The following SLCO3A1 variants were observed in gnomAD, a reference collection of about 807,000 sequenced individuals.
SLCO3A1 encodes the protein PGE1 transporter.
A neutral mutation model predicts 63.1 loss-of-function variants in SLCO3A1; 27 were observed. That is an observed-to-expected ratio of 0.43 (90% CI 0.32 to 0.59). The LOEUF is 0.59. Among genes scored for constraint, SLCO3A1 ranks in the 20% least tolerant of loss-of-function variants. SLCO3A1 has a pLI of 0.09. For missense variants in SLCO3A1, 773 were observed against 945.8 expected, an observed-to-expected ratio of 0.82 and a Z score of 2.40; for synonymous variants, 473 against 409.9, an observed-to-expected ratio of 1.15 and a Z score of -1.86.
At position 92,165,547 on chromosome 15, in the gene SLCO3A1, T is replaced by A; in HGVS notation, c.*2412T>A. 1.0e-6 allele frequency: 1 copy of A among 984,824 alleles called. No homozygotes were observed. The highest frequency in any genetic ancestry group is 1.2e-6 in the Non-Finnish European group (1 of 829,408). 61.0% of individuals were successfully genotyped at this position (984,824 alleles called of 1,614,324 possible). A position where few individuals can be genotyped will look rare whatever the true frequency, so the allele number is the denominator to read the frequency against. ...TTTTAAACTCTTTGCATTTTGGATT[T>A]TTTTTCCTAAGATTTTAGGATGAAT... On this transcript the variant is annotated 3_prime_UTR_variant, in exon 10 of 10. Transcript: ENST00000318445.
intron 3 of SLCO3A1, among the ~76,000 whole-genome samples, 186 bp from the exon 4 acceptor site, chr15:92,104,093 C>T (rs1162958837): frequency 2.0e-5 from 3 of 152,194 alleles, no homozygotes; most frequent in Non-Finnish European, 2.9e-5. Context: ...GATCAGCCTC[C>T]GGCTTTGAGA....
At chr15:91,999,879 G>A (rs1461646179) in intron 2 of SLCO3A1, among the ~76,000 whole-genome samples, 4 of 152,272 alleles carry the variant, frequency 2.6e-5, no homozygotes, top group Admixed American at 6.5e-5. Context: ...ATATACTCTC[G>A]AAAACCATAG....
intron 4 of SLCO3A1, among the ~76,000 whole-genome samples, chr15:92,105,253 G>A (rs1219266634): frequency 6.6e-6 from 1 of 152,006 alleles, no homozygotes; most frequent in Non-Finnish European, 1.5e-5. Flanking sequence ...CAGCCTGGGT[G>A]ACACAGCAAG....
At chr15:92,073,645 T>A (rs1370463360) in intron 2 of SLCO3A1, among the ~76,000 whole-genome samples, 1 of 152,246 alleles carries the variant, frequency 6.6e-6, no homozygotes, top group Non-Finnish European at 1.5e-5. Flanking sequence ...CTTCGGTGGC[T>A]TTTGAGTAGT....
chr15:91,864,400 A>G (rs1479884995), intron 1 of SLCO3A1, among the ~76,000 whole-genome samples: 2 of 152,200 alleles, frequency 1.3e-5, no homozygotes, highest in Non-Finnish European at 2.9e-5. Context: ...AATTTTGGGA[A>G]TAGCAATTAT....
At chr15:91,994,854 C>T (rs1349636710) in intron 2 of SLCO3A1, among the ~76,000 whole-genome samples, 1 of 152,188 alleles carries the variant, frequency 6.6e-6, no homozygotes, top group Non-Finnish European at 1.5e-5. Context: ...CTGTAGGGCC[C>T]CTGCAGACAT....
chr15:92,027,610 A>T (rs990206040), intron 2 of SLCO3A1, among the ~76,000 whole-genome samples: 6 of 152,208 alleles, frequency 3.9e-5, no homozygotes, highest in Non-Finnish European at 2.9e-5. Flanking sequence ...CTCCCGACGC[A>T]TGCATTAAAG....
At chr15:91,876,896 A>G (rs902314816) in intron 1 of SLCO3A1, among the ~76,000 whole-genome samples, 1 of 152,194 alleles carries the variant, frequency 6.6e-6, no homozygotes, top group African/African-American at 2.4e-5. Context: ...TTGCCTGCCC[A>G]CACACACTAA....
chr15:92,106,065 C>T (rs532517096), intron 4 of SLCO3A1, among the ~76,000 whole-genome samples: 2 of 152,322 alleles, frequency 1.3e-5, no homozygotes, highest in East Asian at 3.9e-4. Flanking sequence ...TTCCTCACTG[C>T]CAGTGCTGTC....
At chr15:91,935,341 G>A (rs1010772947) in intron 2 of SLCO3A1, among the ~76,000 whole-genome samples, 4 of 152,218 alleles carry the variant, frequency 2.6e-5, no homozygotes, top group Non-Finnish European at 2.9e-5. Context: ...CAACACAAGG[G>A]ACTTTTGTAA....
At chr15:92,019,998 CAG>C (rs1245490550) in intron 2 of SLCO3A1, among the ~76,000 whole-genome samples, 5 of 152,278 alleles carry the variant, frequency 3.3e-5, no homozygotes, top group Admixed American at 2.6e-4. Context: ...GACATGGATA[CAG>C]AGCCCTGAGA....
At chr15:92,014,155 T>C (rs1670203069) in intron 2 of SLCO3A1, among the ~76,000 whole-genome samples, 1 of 152,082 alleles carries the variant, frequency 6.6e-6, no homozygotes, top group African/African-American at 2.4e-5. Flanking sequence ...GGGAGAAATA[T>C]ATGGAGGAAA....
At position 91,957,325 on chromosome 15, in the gene SLCO3A1, C is replaced by T. The variant is rs144304605; in HGVS notation, c.646+40867C>T. ...TTCTGTCTCTTCTGTAGATTTCAGC[C>T]GCCAATGTGGTCTCAAAAGTACAGG... On this transcript the variant is annotated intron_variant, in intron 2 of 9. Coordinates refer to ENST00000318445, the MANE Select transcript of SLCO3A1 (RefSeq NM_013272.4). Among the ~76,000 whole-genome samples, 543 of 148,682 alleles carry T rather than the reference C, an allele frequency of 3.7e-3. 6 individuals are homozygous for T. Among genetic ancestry groups the T allele is most frequent in the African/African-American group, 0.013 (511 of 40,112 alleles).
chr15:91,924,532 C>T (rs768891664), intron 2 of SLCO3A1, among the ~76,000 whole-genome samples: 3 of 151,818 alleles, frequency 2.0e-5, no homozygotes, highest in African/African-American at 7.3e-5. Flanking sequence ...AAATAAAACA[C>T]GAAAAAAGAA....
At chr15:92,015,767 C>T (rs1424574513) in intron 2 of SLCO3A1, among the ~76,000 whole-genome samples, 2 of 152,244 alleles carry the variant, frequency 1.3e-5, no homozygotes, top group East Asian at 3.9e-4. Context: ...TGGTCCAGTC[C>T]CTGCTTGCTG....
chr15:91,898,177 G>A (rs758347662), intron 1 of SLCO3A1, among the ~76,000 whole-genome samples: 1 of 152,042 alleles, frequency 6.6e-6, no homozygotes. Context: ...TGTGTCACTG[G>A]TGCACACAGC....
intron 2 of SLCO3A1, among the ~76,000 whole-genome samples, chr15:91,958,775 GT>G (rs1900330334): frequency 6.6e-6 from 1 of 152,138 alleles, no homozygotes; most frequent in Admixed American, 6.6e-5. Context: ...AACAATAAAT[GT>G]TGGCTTGGAT....
At chr15:91,953,588 G>A (rs766792852) in intron 2 of SLCO3A1, among the ~76,000 whole-genome samples, 11 of 152,222 alleles carry the variant, frequency 7.2e-5, no homozygotes, top group East Asian at 1.9e-4. Flanking sequence ...ACTACAGGGC[G>A]TGGAAGGGAA....
chr15:91,877,459 A>C (rs914914708), intron 1 of SLCO3A1, among the ~76,000 whole-genome samples: 2 of 152,200 alleles, frequency 1.3e-5, no homozygotes, highest in Non-Finnish European at 2.9e-5. Context: ...AATCGCTATA[A>C]AGACGCTTAC....
Sources: allele counts gnomAD v4.1 joint callset (sites outside exome capture counted in the v4.1 genomes callset), GRCh38; gene constraint gnomAD v4.1.1; transcripts MANE v1.5; gene names NCBI Gene and HGNC (gene_info 2026-07-23, HGNC 2026-07-21).